ZFC3H1: variants seen among roughly 807,000 people sequenced by gnomAD.
ZFC3H1 encodes the protein zinc finger C3H1-type containing.
In ZFC3H1, 71 loss-of-function variants were observed where a neutral mutation model predicts 243.7. The observed-to-expected ratio is 0.29, with a 90% CI of 0.24 to 0.36. The LOEUF (loss-of-function observed/expected upper bound fraction) is 0.36. Ranked by LOEUF, ZFC3H1 falls within the 10% of genes least tolerant of loss-of-function variation. The pLI, the probability that ZFC3H1 is intolerant of heterozygous loss-of-function variation, is 1.00. For synonymous variants in ZFC3H1, 838 were observed against 813.0 expected, an observed-to-expected ratio of 1.03 and a Z score of -0.52; for missense variants, 1,966 against 2,317.1, an observed-to-expected ratio of 0.85 and a Z score of 3.11.
chr12:71,637,035 A>G lies in ZFC3H1; in HGVS notation c.1750T>C (p.Tyr584His). 1 of 1,613,502 alleles carries G rather than the reference A, an allele frequency of 6.2e-7. No homozygotes were observed. The highest frequency in any genetic ancestry group is 8.5e-7 in the Non-Finnish European group (1 of 1,179,796). The change falls in exon 8 of 35, where the codon TAT becomes CAT. Residue 584 changes from tyrosine (Y) to histidine (H), a missense_variant. Coordinates refer to ENST00000378743, the MANE Select transcript of ZFC3H1 (RefSeq NM_144982.5). ...AGAGAAACACACAAGCCTTCCACAT[A>G]AGGCTGGCTCAAAGGTGGCAGAGAC... ...VSSLPPLSQP[Y>H]VEGLCVSLEP...
At chr12:71,640,519 C>T (rs972446450) in intron 6 of ZFC3H1, among the ~76,000 whole-genome samples, 2 of 152,212 alleles carry the variant, frequency 1.3e-5, no homozygotes, top group Non-Finnish European at 2.9e-5. Context: ...CTGGGACCAC[C>T]AGTGGTGCTC....
chr12:71,640,886 C>T (rs763014491), intron 6 of ZFC3H1, among the ~76,000 whole-genome samples: 3 of 151,380 alleles, frequency 2.0e-5, no homozygotes, highest in Non-Finnish European at 2.9e-5. Context: ...CCCCGCCCGG[C>T]GAAAAACTCT....
At chr12:71,633,231 A>T in intron 13 of ZFC3H1, 33 bp downstream of exon 13, 1 of 1,538,150 alleles carries the variant, frequency 6.5e-7, no homozygotes, top group Non-Finnish European at 8.7e-7. Flanking sequence ...AATGTGTAGT[A>T]AACAGGAGAC....
intron 31 of ZFC3H1, 28 bp from the exon 32 acceptor site, chr12:71,611,915 A>G: frequency 6.8e-7 from 1 of 1,462,676 alleles, no homozygotes; most frequent in East Asian, 2.4e-5. Flanking sequence ...GAAAATGAAC[A>G]AAGCATTGCA....
At chr12:71,619,801 A>T in intron 26 of ZFC3H1, 125 bp downstream of exon 26, 1 of 820,238 alleles carries the variant, frequency 1.2e-6, no homozygotes, top group Non-Finnish European at 1.9e-6. Context: ...GCTATGGCAA[A>T]GAGAGAAGGA....
rs752536906 is a variant in ZFC3H1 at position 71,619,302 on chromosome 12, T to C, written c.5144+13A>G. ...CTCTCATTCCTCTACAAACTAAGAA[T>C]TCTACAACTTACCGAAACAGATCCA... On this transcript the variant is annotated intron_variant, in intron 27 of 34. Transcript: ENST00000378743. 1 of 1,610,882 alleles carries C rather than the reference T, an allele frequency of 6.2e-7. No homozygotes were observed. Among genetic ancestry groups the C allele is most frequent in the South Asian group, 1.1e-5 (1 of 90,782 alleles).
rs1467700933 is a variant in ZFC3H1 at position 71,632,921 on chromosome 12, T to A, written c.2782A>T (p.Ile928Leu). The change falls in exon 14 of 35, where the codon ATA (isoleucine) becomes TTA (leucine). Residue 928 changes from isoleucine to leucine, a missense_variant. By Grantham distance (5) the Ile-to-Leu change is conservative (BLOSUM62 2). Transcript: ENST00000378743. ...ARAKAVASKE[I>L]GKRKLEQDRF... ...TCTTGTTCCAGTTTACGTTTTCCTA[T>A]TTCTTTACTGGCCACTGCCTTTGCC... 1.9e-6 allele frequency: 3 copies of A among 1,613,230 alleles called. No individual in the cohort carries two copies. The Admixed American group carries it at 5.0e-5, about 27-fold the overall frequency.
chr12:71,634,121 G>A (rs1202568068), intron 12 of ZFC3H1, 34 bp downstream of exon 12: 2 of 1,586,184 alleles, frequency 1.3e-6, no homozygotes, highest in Middle Eastern at 1.7e-4. Flanking sequence ...TCTACCACAG[G>A]AACAATTAGA....
chr12:71,612,665 A>C (rs1879801145), intron 31 of ZFC3H1, among the ~76,000 whole-genome samples: 1 of 152,222 alleles, frequency 6.6e-6, no homozygotes, highest in Admixed American at 6.5e-5. Flanking sequence ...TATTTTAGGC[A>C]TCTTATGATC....
chr12:71,626,280 C>T lies in ZFC3H1; in HGVS notation c.4297G>A (p.Asp1433Asn). Reference protein sequence around the residue: ...MCETAVEYAPDYQSFWTFLHL... With the variant: ...MCETAVEYAPNYQSFWTFLHL... ...CTCACAGTCCAAAAGCTTTGATAAT[C>T]TGGAGCATATTCAACAGCTGTTTCA... The change falls in exon 22 of 35, where the codon GAT (aspartate) becomes AAT (asparagine). Residue 1433 changes from aspartate to asparagine, a missense_variant. Transcript: ENST00000378743. The T allele has an allele frequency of 6.2e-7, 1 of 1,613,688 alleles. No individual in the cohort carries two copies. The highest frequency in any genetic ancestry group is 8.5e-7 in the Non-Finnish European group (1 of 1,179,894).
chr12:71,624,609 T>C (rs1880114058), intron 22 of ZFC3H1, among the ~76,000 whole-genome samples: 1 of 152,242 alleles, frequency 6.6e-6, no homozygotes, highest in African/African-American at 2.4e-5. Flanking sequence ...TATCCAAAAG[T>C]ACACATTTAT....
chr12:71,609,748 CATA>C lies in ZFC3H1; in HGVS notation c.*677_*679del, dbSNP rs1357725839. The C allele has an allele frequency of 6.6e-6, 1 of 152,442 alleles. No individual in the cohort carries two copies. The highest frequency in any genetic ancestry group is 6.6e-5 in the Admixed American group (1 of 15,258). 9.4% of individuals were successfully genotyped at this position (152,442 alleles called of 1,614,324 possible). ...AAAATTTCTTTACAAAAAAATTGCACATAATATTTGACCACTCTTAGGTTCTGA... is the reference window on the plus strand; with the variant it reads ...AAAATTTCTTTACAAAAAAATTGCACATATTTGACCACTCTTAGGTTCTGA... On this transcript the variant is annotated 3_prime_UTR_variant, in exon 35 of 35. Transcript: ENST00000378743.
chr12:71,619,549 G>A (rs1879974330), intron 26 of ZFC3H1, 140 bp from the exon 27 acceptor site: 2 of 703,686 alleles, frequency 2.8e-6, no homozygotes, highest in Non-Finnish European at 2.3e-6. Context: ...GGATAAGTTT[G>A]AGACATACTC....
rs1880244934 is a variant in ZFC3H1, at chr12:71,629,043, G to A, written c.3827-6C>T. ...GTAGGTTGTAAATGGAGGAGCTAAA[G>A]TAGATAGGAGAAGATTGTTAATTGA... On this transcript the variant is annotated splice_polypyrimidine_tract_variant and splice_region_variant and intron_variant, in intron 19 of 34. Coordinates refer to ENST00000378743, the MANE Select transcript of ZFC3H1 (RefSeq NM_144982.5). 2 of 1,590,102 alleles carry A rather than the reference G, an allele frequency of 1.3e-6. No homozygotes were observed. Among genetic ancestry groups the A allele is most frequent in the Non-Finnish European group, 8.5e-7 (1 of 1,171,994 alleles).
intron 6 of ZFC3H1, chr12:71,639,340 A>G: frequency 5.4e-6 from 1 of 184,302 alleles, no homozygotes; most frequent in East Asian, 1.7e-4. Context: ...CTGAATATAC[A>G]CTAATCTTTG....
At chr12:71,624,726 G>C (rs1880118535) in intron 22 of ZFC3H1, among the ~76,000 whole-genome samples, 1 of 152,224 alleles carries the variant, frequency 6.6e-6, no homozygotes, top group African/African-American at 2.4e-5. Context: ...TGTAATCCCA[G>C]CACTTAGGGA....
At chr12:71,641,584 C>G (rs372549063) in intron 6 of ZFC3H1, among the ~76,000 whole-genome samples, 2 of 152,304 alleles carry the variant, frequency 1.3e-5, no homozygotes, top group African/African-American at 2.4e-5. Context: ...AAAATCAAGT[C>G]TCTGGCCCTC....
chr12:71,625,451 G>A (rs1381054645), intron 22 of ZFC3H1, among the ~76,000 whole-genome samples: 1 of 152,150 alleles, frequency 6.6e-6, no homozygotes, highest in Non-Finnish European at 1.5e-5. Flanking sequence ...CAGCACTTCA[G>A]GAGGCCCAGG....
intron 26 of ZFC3H1, 60 bp downstream of exon 26, chr12:71,619,866 G>T: frequency 1.3e-6 from 2 of 1,491,852 alleles, no homozygotes; most frequent in Non-Finnish European, 1.8e-6. Context: ...TCCTGGTGAG[G>T]CCAATAGCAA....
Sources: gnomAD v4.1 joint callset for allele counts (sites outside exome capture counted in the v4.1 genomes callset) on GRCh38, gnomAD v4.1.1 for gene constraint, MANE v1.5 for transcripts, NCBI Gene and HGNC (gene_info 2026-07-23, HGNC 2026-07-21) for gene names.